The following C9orf85 variants were observed in gnomAD, a reference collection of about 807,000 sequenced individuals.
C9orf85 encodes uncharacterized protein C9orf85.
C9orf85 carries 16 observed loss-of-function variants against 14.9 expected under a neutral mutation model. That is an observed-to-expected ratio of 1.08 (90% CI 0.73 to 1.63). The LOEUF is 1.63. Ranked by LOEUF, C9orf85 falls within the 40% of genes most tolerant of loss-of-function variation. The pLI is 0.00. For missense variants in C9orf85, 172 were observed against 186.1 expected, an observed-to-expected ratio of 0.92 and a Z score of 0.44; for synonymous variants, 45 against 56.8, an observed-to-expected ratio of 0.79 and a Z score of 0.93.
At chr9:71,935,613 G>A (rs1350714131) in intron 1 of C9orf85, among the ~76,000 whole-genome samples, 11 of 147,864 alleles carry the variant, frequency 7.4e-5, no homozygotes, top group Admixed American at 4.7e-4. Context: ...GCAACACAGC[G>A]AGACCCTGCC....
intron 2 of C9orf85, among the ~76,000 whole-genome samples, chr9:71,965,052 G>A (rs905577486): frequency 2.0e-5 from 3 of 152,148 alleles, no homozygotes; most frequent in African/African-American, 7.2e-5. Flanking sequence ...AAACAGCAGT[G>A]GTGGACAATG....
At chr9:71,922,279 A>C (rs1489917227) in intron 1 of C9orf85, among the ~76,000 whole-genome samples, 1 of 151,988 alleles carries the variant, frequency 6.6e-6, no homozygotes. Flanking sequence ...ATCATTCATT[A>C]TTACTTTTCC....
At chr9:71,959,309 G>C (rs932699997) in intron 2 of C9orf85, among the ~76,000 whole-genome samples, 15 of 151,466 alleles carry the variant, frequency 9.9e-5, no homozygotes, top group African/African-American at 3.4e-4. Context: ...GGCTAATTTT[G>C]TATTTTTAGT....
At chr9:71,972,027 T>G (rs1822887630) in intron 3 of C9orf85, among the ~76,000 whole-genome samples, 1 of 151,554 alleles carries the variant, frequency 6.6e-6, no homozygotes, top group African/African-American at 2.4e-5. Context: ...CCCTTAGACT[T>G]AAGTTGTATG....
chr9:71,954,462 C>T (rs775216744), intron 2 of C9orf85, among the ~76,000 whole-genome samples: 1 of 152,138 alleles, frequency 6.6e-6, no homozygotes, highest in Non-Finnish European at 1.5e-5. Flanking sequence ...AATAAAAGAA[C>T]AGCTACTCCA....
At chr9:71,911,960 C>A (rs1247503946) in intron 1 of C9orf85, 124 bp downstream of exon 1, 4 of 815,690 alleles carry the variant, frequency 4.9e-6, no homozygotes, top group Non-Finnish European at 8.6e-6. Flanking sequence ...TTAGTCTTGG[C>A]TGCAGTGCAA....
At chr9:71,921,958 T>TTATGA (rs1564082784) in intron 1 of C9orf85, among the ~76,000 whole-genome samples, 1 of 93,586 alleles carries the variant, frequency 1.1e-5, no homozygotes, top group African/African-American at 4.4e-5. Context: ...TATTATTATT[T>TTATGA]TGAAACAGAG....
At chr9:71,982,170 C>T (rs1017695512) in intron 3 of C9orf85, among the ~76,000 whole-genome samples, 1 of 152,030 alleles carries the variant, frequency 6.6e-6, no homozygotes, top group South Asian at 2.1e-4. Context: ...GAGTCTAGCT[C>T]CATTCACCTT....
At chr9:71,953,631 T>C (rs992397333) in intron 2 of C9orf85, among the ~76,000 whole-genome samples, 19 of 152,306 alleles carry the variant, frequency 1.2e-4, no homozygotes, top group African/African-American at 4.6e-4. Flanking sequence ...ACCAGATTTA[T>C]TGCCTCTCAA....
intron 1 of C9orf85, among the ~76,000 whole-genome samples, chr9:71,920,668 C>A (rs997639485): frequency 6.6e-6 from 1 of 152,154 alleles, no homozygotes; most frequent in African/African-American, 2.4e-5. Flanking sequence ...CTCAGAACAC[C>A]CCAGCTGCCA....
chr9:71,913,373 T>C (rs1362520930), intron 1 of C9orf85, among the ~76,000 whole-genome samples: 1 of 152,114 alleles, frequency 6.6e-6, no homozygotes, highest in Non-Finnish European at 1.5e-5. Context: ...CTTCACGGAG[T>C]TTATAGTTTC....
intron 2 of C9orf85, among the ~76,000 whole-genome samples, chr9:71,960,614 C>T (rs970095359): frequency 3.9e-5 from 6 of 152,044 alleles, no homozygotes; most frequent in African/African-American, 1.4e-4. Flanking sequence ...TCTCTGTCAC[C>T]CAGGCTGGAG....
At chr9:71,917,637 A>C (rs7871682) in intron 1 of C9orf85, among the ~76,000 whole-genome samples, 151,732 of 152,232 alleles carry the variant, frequency 1, 75,623 homozygotes, top group Middle Eastern at 1. Flanking sequence ...AAAAAAGAAA[A>C]ACTGATACAA....
At chr9:71,921,928 T>TATTATTA (rs1554705989) in intron 1 of C9orf85, among the ~76,000 whole-genome samples, 125 of 113,860 alleles carry the variant, frequency 1.1e-3, no homozygotes, top group African/African-American at 3.5e-3. Flanking sequence ...TTATTTTTTT[T>TATTATTA]TTATTATTAT....
At chr9:71,935,698 A>T (rs1828171425) in intron 1 of C9orf85, among the ~76,000 whole-genome samples, 1 of 152,054 alleles carries the variant, frequency 6.6e-6, no homozygotes, top group South Asian at 2.1e-4. Context: ...TTGTAAAATT[A>T]TACAGACAGA....
At chr9:71,968,668 A>G (rs1822768385) in intron 2 of C9orf85, among the ~76,000 whole-genome samples, 1 of 152,220 alleles carries the variant, frequency 6.6e-6, no homozygotes, top group Admixed American at 6.5e-5. Flanking sequence ...CGGTGCCACC[A>G]AAGAAATAGC....
Position 71,972,726 on chromosome 9 carries a change from G to A in C9orf85, c.358G>A (p.Glu120Lys). 1 of 1,600,294 alleles carries A rather than the reference G, an allele frequency of 6.2e-7. No individual in the cohort carries two copies. Among genetic ancestry groups the A allele is most frequent in the Non-Finnish European group, 8.5e-7 (1 of 1,170,380 alleles). ...NKETEKIEHT[E>K]NNLSSNHRRS... ...AGAAACAGAAAAAATAGAACATACT[G>A]AAAATAATCTAAGTTCCAACCATAG... The change falls in exon 4 of 4, where the codon GAA (glutamate) becomes AAA (lysine). Residue 120 changes from glutamate (E) to lysine (K), a missense_variant. By Grantham distance (56) the Glu-to-Lys change is moderately conservative. Coordinates refer to ENST00000334731, the MANE Select transcript of C9orf85 (RefSeq NM_182505.5).
intron 2 of C9orf85, among the ~76,000 whole-genome samples, chr9:71,954,436 A>T (rs1822331341): frequency 6.6e-6 from 1 of 152,184 alleles, no homozygotes; most frequent in Non-Finnish European, 1.5e-5. Context: ...AAGCAAGTTT[A>T]TTAAGAAAGT....
At chr9:71,927,334 A>G (rs559321149) in intron 1 of C9orf85, among the ~76,000 whole-genome samples, 93 of 152,162 alleles carry the variant, frequency 6.1e-4, no homozygotes, top group African/African-American at 2.0e-3. Context: ...GCGAGAGAAG[A>G]AACTGATGAA....
Sources: gnomAD v4.1 joint callset for allele counts (sites outside exome capture counted in the v4.1 genomes callset) on GRCh38, gnomAD v4.1.1 for gene constraint, MANE v1.5 for transcripts, NCBI Gene and HGNC (gene_info 2026-07-23, HGNC 2026-07-21) for gene names.